NELL2: variants seen among roughly 807,000 people sequenced by gnomAD.
NELL2 encodes the protein neural EGFL like 2, also known as protein kinase C-binding protein NELL2.
In NELL2, 41 loss-of-function variants were observed where a neutral mutation model predicts 109.6. That is an observed-to-expected ratio of 0.37 (90% CI 0.29 to 0.49). The LOEUF (loss-of-function observed/expected upper bound fraction) is 0.49, where lower values mean the gene tolerates loss of function less well. Ranked by LOEUF, NELL2 falls within the 20% of genes least tolerant of loss-of-function variation. The pLI is 0.98. For synonymous variants in NELL2, 355 were observed against 344.7 expected, an observed-to-expected ratio of 1.03 and a Z score of -0.33; for missense variants, 900 against 1,008.3, an observed-to-expected ratio of 0.89 and a Z score of 1.45.
intron 12 of NELL2, among the ~76,000 whole-genome samples, chr12:44,692,998 A>G (rs1948945716): frequency 6.6e-6 from 1 of 152,192 alleles, no homozygotes; most frequent in East Asian, 1.9e-4. Context: ...GGTTTAAGAG[A>G]ACTGATTACA....
intron 2 of NELL2, among the ~76,000 whole-genome samples, chr12:44,832,050 G>C (rs550201123): frequency 5.3e-5 from 8 of 152,054 alleles, no homozygotes; most frequent in Non-Finnish European, 8.8e-5. Context: ...TAAAAACAGA[G>C]AGTAAAAATT....
intron 9 of NELL2, among the ~76,000 whole-genome samples, chr12:44,722,118 A>G (rs537449262): frequency 6.6e-6 from 1 of 152,296 alleles, no homozygotes; most frequent in Non-Finnish European, 1.5e-5. Context: ...GATAAACAGG[A>G]GAACCAAAAC....
At chr12:44,848,048 A>G (rs921828413) in intron 2 of NELL2, among the ~76,000 whole-genome samples, 24 of 150,558 alleles carry the variant, frequency 1.6e-4, no homozygotes, top group African/African-American at 3.9e-4. Flanking sequence ...AAAAAAAAAA[A>G]GGCAGAAAAA....
intron 3 of NELL2, 40 bp from the exon 4 acceptor site, chr12:44,780,062 AGTTC>A: frequency 6.3e-7 from 1 of 1,599,284 alleles, no homozygotes; most frequent in Admixed American, 1.7e-5. Context: ...TTAAAAATAA[AGTTC>A]AAAAACGATT....
At chr12:44,549,992 T>C (rs1383597991) in intron 15 of NELL2, among the ~76,000 whole-genome samples, 1 of 152,168 alleles carries the variant, frequency 6.6e-6, no homozygotes, top group Non-Finnish European at 1.5e-5. Context: ...GATTTGAAAT[T>C]CTATTACAAA....
chr12:44,686,026 C>T (rs1045668575), intron 12 of NELL2, among the ~76,000 whole-genome samples: 2 of 152,160 alleles, frequency 1.3e-5, no homozygotes, highest in African/African-American at 2.4e-5. Context: ...AACTTGGTTC[C>T]ATTCTCTCCA....
chr12:44,673,149 T>C (rs908021622), intron 12 of NELL2, among the ~76,000 whole-genome samples: 1 of 152,182 alleles, frequency 6.6e-6, no homozygotes, highest in Non-Finnish European at 1.5e-5. Context: ...TCTCACGCCC[T>C]GTCTGCAGAG....
At chr12:44,673,935 T>C (rs1262673218) in intron 12 of NELL2, among the ~76,000 whole-genome samples, 1 of 147,308 alleles carries the variant, frequency 6.8e-6, no homozygotes, top group Non-Finnish European at 1.5e-5. Flanking sequence ...TGAGACACTT[T>C]AAAAAAAAAA....
At chr12:44,730,786 G>C (rs1300167088) in intron 9 of NELL2, among the ~76,000 whole-genome samples, 1 of 151,694 alleles carries the variant, frequency 6.6e-6, no homozygotes, top group Non-Finnish European at 1.5e-5. Flanking sequence ...AGAGCAGAAA[G>C]AAAATGAAAT....
chr12:44,912,237 C>A (rs73283037), intron 1 of NELL2, among the ~76,000 whole-genome samples: 1 of 151,894 alleles, frequency 6.6e-6, no homozygotes, highest in Non-Finnish European at 1.5e-5. Flanking sequence ...TGGAAAAGCA[C>A]CCTTGTAAAT....
rs540679892 is a variant in NELL2, at chr12:44,604,385, C to T, written c.1663+2784G>A. Among the ~76,000 whole-genome samples the T allele has an allele frequency of 1.4e-4, 22 of 152,220 alleles. No individual in the cohort carries two copies. The East Asian group carries it at 2.1e-3, about 15-fold the overall frequency. ...TGAAACACCTATATAAGCTACTTCA[C>T]GTTTCTGTGCCATATCTGCCATATG... On this transcript the variant is annotated intron_variant, in intron 15 of 19. Transcript: ENST00000429094.
At chr12:44,895,966 G>A (rs117870847) in intron 1 of NELL2, among the ~76,000 whole-genome samples, 1,593 of 152,148 alleles carry the variant, frequency 0.01, 28 homozygotes, top group East Asian at 0.047. Flanking sequence ...GCTATGCTCG[G>A]TTTTATAACA....
intron 3 of NELL2, among the ~76,000 whole-genome samples, chr12:44,791,095 ATG>A (rs1555217704): frequency 0.015 from 200 of 13,596 alleles, 3 homozygotes; most frequent in Admixed American, 0.034. Flanking sequence ...ATATATATAT[ATG>A]TATATATATA....
chr12:44,604,698 T>C (rs1945334075), intron 15 of NELL2, among the ~76,000 whole-genome samples: 1 of 152,100 alleles, frequency 6.6e-6, no homozygotes, highest in Non-Finnish European at 1.5e-5. Flanking sequence ...GCTGGGTAGA[T>C]ATGCAGGGCC....
Position 44,563,371 on chromosome 12 carries a change from AT to A in NELL2, c.1664-30651del, listed in dbSNP as rs568828982. On this transcript the variant is annotated intron_variant, in intron 15 of 19. Coordinates refer to ENST00000429094, the MANE Select transcript of NELL2 (RefSeq NM_001145108.2). The stretch of plus-strand genomic sequence containing the variant: ...AGAAGGGAGAAAGAAATTATAGGTG[AT>A]TTTTTTTCTTTTTCTCTTGCCTTTG... Among the ~76,000 whole-genome samples the A allele has an allele frequency of 2.6e-5, 4 of 152,022 alleles. No individual in the cohort carries two copies. In the East Asian group the frequency reaches 7.7e-4, roughly 29 times the overall value.
intron 10 of NELL2, 145 bp downstream of exon 10, chr12:44,714,505 T>C (rs1938379897): frequency 2.0e-6 from 1 of 506,294 alleles, no homozygotes. Context: ...GAGAATTTCT[T>C]TACATTCAAA....
At chr12:44,823,485 C>T (rs113039461) in intron 2 of NELL2, among the ~76,000 whole-genome samples, 4 of 152,276 alleles carry the variant, frequency 2.6e-5, no homozygotes, top group East Asian at 1.9e-4. Flanking sequence ...TGAGATCATG[C>T]GGTATTCATC....
intron 9 of NELL2, among the ~76,000 whole-genome samples, chr12:44,743,800 C>A (rs549878822): frequency 6.6e-6 from 1 of 152,152 alleles, no homozygotes; most frequent in Non-Finnish European, 1.5e-5. Flanking sequence ...ATTCATAAAG[C>A]AAATCCTTAA....
intron 15 of NELL2, among the ~76,000 whole-genome samples, chr12:44,605,895 G>C (rs1244329771): frequency 6.6e-6 from 1 of 152,046 alleles, no homozygotes; most frequent in Non-Finnish European, 1.5e-5. Context: ...AACATGAGAG[G>C]ACTACTGCAG....
Sources: gnomAD v4.1 joint callset for allele counts (sites outside exome capture counted in the v4.1 genomes callset) on GRCh38, gnomAD v4.1.1 for gene constraint, MANE v1.5 for transcripts, NCBI Gene and HGNC (gene_info 2026-07-23, HGNC 2026-07-21) for gene names.